Variants in MYLK observed in about 807,000 individuals in gnomAD.
MYLK encodes the protein myosin light chain kinase, smooth muscle.
In MYLK, 106 loss-of-function variants were observed where a neutral mutation model predicts 203.4. The observed-to-expected ratio is 0.52, with a 90% confidence interval of 0.45 to 0.61. The LOEUF is 0.61. Ranked by LOEUF, MYLK falls within the 20% of genes least tolerant of loss-of-function variation. MYLK has a pLI of 0.00. For synonymous variants in MYLK, 867 were observed against 959.5 expected, an observed-to-expected ratio of 0.90 and a Z score of 1.78; for missense variants, 2,072 against 2,442.3, an observed-to-expected ratio of 0.85 and a Z score of 3.20.
intron 13 of MYLK, among the ~76,000 whole-genome samples, chr3:123,712,888 C>T (rs1369616512): frequency 6.6e-6 from 1 of 152,252 alleles, no homozygotes; most frequent in East Asian, 1.9e-4. Flanking sequence ...AGAACTGACT[C>T]ACATCTATCC....
intron 4 of MYLK, among the ~76,000 whole-genome samples, chr3:123,775,116 C>T (rs958100309): frequency 1.3e-5 from 2 of 152,170 alleles, no homozygotes; most frequent in East Asian, 1.9e-4. Flanking sequence ...CTTGAACTCC[C>T]GGGCTCAAGT....
chr3:123,851,806 C>A (rs2030838897), intron 2 of MYLK, among the ~76,000 whole-genome samples: 1 of 152,132 alleles, frequency 6.6e-6, no homozygotes, highest in Admixed American at 6.5e-5. Context: ...TGAGAGAGGG[C>A]ATCCCTGTCT....
rs755647737 is a variant in MYLK at position 123,793,638 on chromosome 3, T to C, written c.165+39A>G. The C allele has an allele frequency of 2.5e-6, 4 of 1,612,104 alleles. No homozygotes were observed. In the African/African-American group the frequency reaches 5.3e-5, roughly 22 times the overall value. ...GACAAGGAGCAGCGGCCCCTGCCCA[T>C]CCTTCCCCACAGCCTCCCCATCCAG... On this transcript the variant is annotated intron_variant, in intron 4 of 33. Transcript: ENST00000360304.
At chr3:123,825,036 T>G (rs1177853815) in intron 3 of MYLK, among the ~76,000 whole-genome samples, 1 of 151,754 alleles carries the variant, frequency 6.6e-6, no homozygotes, top group Non-Finnish European at 1.5e-5. Flanking sequence ...TCCCAGCTAC[T>G]TAGGAGGCTG....
intron 8 of MYLK, chr3:123,735,641 T>C (rs1349988069): frequency 1.3e-5 from 7 of 543,114 alleles, no homozygotes; most frequent in Admixed American, 6.1e-5. Context: ...GGTGCTACCA[T>C]ACCCTGAGGG....
intron 23 of MYLK, among the ~76,000 whole-genome samples, chr3:123,663,561 C>G (rs749246017): frequency 3.9e-5 from 6 of 152,004 alleles, no homozygotes; most frequent in Admixed American, 2.0e-4. Flanking sequence ...GATGGCGACA[C>G]TTACGGGCTG....
In MYLK at chr3:123,648,530, C is replaced by T. The variant is rs1310757617; in HGVS notation, c.4415+441G>A. On this transcript the variant is annotated intron_variant, in intron 26 of 33. Coordinates refer to ENST00000360304, the MANE Select transcript of MYLK (RefSeq NM_053025.4). This position sits in a 1 kb window ranked among gnomAD's most constrained non-coding sequence, Gnocchi z 4.5. ...GTACATGTGCAGGATGTGTACGTTA[C>T]GTAGGTAAACGTGTGCCATGGTGGT... is the stretch of plus-strand genomic sequence containing the variant. 6.6e-6 allele frequency among the ~76,000 whole-genome samples: 1 copy of T among 152,054 alleles called. No homozygotes were observed. The highest frequency in any genetic ancestry group is 1.5e-5 in the Non-Finnish European group (1 of 68,012).
intron 31 of MYLK, chr3:123,622,031 A>G (rs820455): frequency 0.057 from 8,643 of 152,174 alleles, 347 homozygotes; most frequent in East Asian, 0.24. Context: ...GTGCTAGACA[A>G]AGTGTAGAGA....
intron 4 of MYLK, among the ~76,000 whole-genome samples, chr3:123,780,222 T>C (rs574348718): frequency 1.3e-5 from 2 of 152,232 alleles, no homozygotes; most frequent in East Asian, 3.9e-4. Flanking sequence ...TCACCTGACG[T>C]CAGGAGTTTG....
At chr3:123,801,432 C>T (rs2065191763) in intron 3 of MYLK, among the ~76,000 whole-genome samples, 1 of 152,072 alleles carries the variant, frequency 6.6e-6, no homozygotes, top group Admixed American at 6.5e-5. Context: ...TTAAAAAAAA[C>T]TTTTATTCTA....
In MYLK at chr3:123,754,108, C is replaced by T. The variant is rs970767612; in HGVS notation, c.166-1570G>A. On this transcript the variant is annotated intron_variant, in intron 4 of 33. Transcript: ENST00000360304. The stretch of plus-strand genomic sequence containing the variant: ...AAGAGCTATGCTAAAAAGCGCCGGT[C>T]GTTGTCTTTGGACTGTGCTCAGTTT... Among the ~76,000 whole-genome samples the T allele has an allele frequency of 2.6e-5, 4 of 152,212 alleles. No homozygotes were observed. The South Asian group carries it at 6.2e-4, about 24-fold the overall frequency.
intron 2 of MYLK, among the ~76,000 whole-genome samples, chr3:123,839,622 A>G (rs139384380): frequency 6.6e-4 from 101 of 152,352 alleles, no homozygotes; most frequent in African/African-American, 2.3e-3. Context: ...AGAGATTTCA[A>G]CACTCCTCTC....
chr3:123,695,507 CACAA>C (rs1018347793), intron 18 of MYLK, among the ~76,000 whole-genome samples: 14 of 152,268 alleles, frequency 9.2e-5, no homozygotes, highest in Non-Finnish European at 1.9e-4. Flanking sequence ...AAGAAAAGGT[CACAA>C]ACAGTTAAAT....
intron 19 of MYLK, among the ~76,000 whole-genome samples, chr3:123,682,781 C>T (rs1161340384): frequency 6.6e-6 from 1 of 152,180 alleles, no homozygotes; most frequent in Non-Finnish European, 1.5e-5. Flanking sequence ...CTCTGACTTT[C>T]TTCTGCAGAC....
intron 32 of MYLK, among the ~76,000 whole-genome samples, chr3:123,619,479 C>A (rs948159194): frequency 3.3e-5 from 5 of 152,172 alleles, no homozygotes; most frequent in African/African-American, 9.7e-5. Context: ...CTTTGCTCAC[C>A]AAGGGAATCT....
chr3:123,700,341 G>C lies in MYLK; in HGVS notation c.3127C>G (p.Pro1043Ala), dbSNP rs777200220. The change falls in exon 18 of 34, where the codon CCT becomes GCT. Residue 1043 changes from proline (P) to alanine (A), a missense_variant. Transcript: ENST00000360304. The stretch of plus-strand genomic sequence containing the variant: ...CCCATGGGCTTCAGGGTCTCGGCAG[G>C]CTTGGCGTTGCCCATTGGCTTCAGG... ...ETLKPMGNAK[P>A]AETLKPMGNA... The C allele has an allele frequency of 1.6e-5, 26 of 1,613,456 alleles. No individual in the cohort carries two copies. Among genetic ancestry groups the C allele is most frequent in the Non-Finnish European group, 2.2e-5 (26 of 1,179,866 alleles).
intron 25 of MYLK, 22 bp downstream of exon 25, chr3:123,649,140 C>A: frequency 1.2e-6 from 2 of 1,613,876 alleles, no homozygotes; most frequent in Non-Finnish European, 1.7e-6. Flanking sequence ...GAGCCTGACC[C>A]GAAGACAGGG....
At chr3:123,669,138 G>C (rs2059829371) in intron 20 of MYLK, among the ~76,000 whole-genome samples, 1 of 152,236 alleles carries the variant, frequency 6.6e-6, no homozygotes, top group Non-Finnish European at 1.5e-5. Context: ...AGGACTGCGT[G>C]AGGCAGTGAT....
chr3:123,757,712 T>C (rs2063402520), intron 4 of MYLK, among the ~76,000 whole-genome samples: 1 of 152,122 alleles, frequency 6.6e-6, no homozygotes, highest in Admixed American at 6.5e-5. Flanking sequence ...GTTAAGTAAC[T>C]GAAGGGATGC....
Sources: allele counts gnomAD v4.1 joint callset (sites outside exome capture counted in the v4.1 genomes callset), GRCh38; gene constraint gnomAD v4.1.1; non-coding constraint Gnocchi (gnomAD v3.1); transcripts MANE v1.5; gene names NCBI Gene and HGNC (gene_info 2026-07-23, HGNC 2026-07-21).